TATDN1: variants seen among roughly 807,000 people sequenced by gnomAD.
The protein encoded by TATDN1 is deoxyribonuclease TATDN1.
A neutral mutation model predicts 46.4 loss-of-function variants in TATDN1; 40 were observed. The observed-to-expected ratio is 0.86, with a 90% CI of 0.67 to 1.12. The LOEUF is 1.12. Ranked by LOEUF, TATDN1 falls within the 50% of genes most tolerant of loss-of-function variation. The pLI, the probability that TATDN1 is intolerant of heterozygous loss-of-function variation, is 0.00. For missense variants in TATDN1, 326 were observed against 348.4 expected, an observed-to-expected ratio of 0.94 and a Z score of 0.51; for synonymous variants, 95 against 105.6, an observed-to-expected ratio of 0.90 and a Z score of 0.62.
At position 124,515,873 on chromosome 8, in the gene TATDN1, A is replaced by G. The variant is rs1819421479; in HGVS notation, c.346+14T>C. 6.2e-7 allele frequency: 1 copy of G among 1,613,748 alleles called. No homozygotes were observed. Among genetic ancestry groups the G allele is most frequent in the Admixed American group, 1.7e-5 (1 of 59,936 alleles). ...TCAAACAATGTCACTCTAAGAGGCG[A>G]GGCTGGCACTCACCAAGTCCGCATT... On this transcript the variant is annotated intron_variant, in intron 5 of 11. Transcript: ENST00000276692.
chr8:124,517,543 C>A (rs1329104221), intron 4 of TATDN1, among the ~76,000 whole-genome samples: 1 of 151,650 alleles, frequency 6.6e-6, no homozygotes, highest in Non-Finnish European at 1.5e-5. Flanking sequence ...GGAAACACAT[C>A]AGTATTTTAA....
At chr8:124,528,900 CTGTTT>C (rs1298638034) in intron 1 of TATDN1, among the ~76,000 whole-genome samples, 45 of 152,296 alleles carry the variant, frequency 3.0e-4, no homozygotes, top group African/African-American at 1.0e-3. Flanking sequence ...TTCAAGTATT[CTGTTT>C]TATCTAAGAA....
At chr8:124,529,165 G>A (rs1820749382) in intron 1 of TATDN1, among the ~76,000 whole-genome samples, 1 of 152,182 alleles carries the variant, frequency 6.6e-6, no homozygotes, top group Admixed American at 6.5e-5. Context: ...TGCTGTCTTT[G>A]TTTCGGGCTC....
chr8:124,537,642 C>T (rs1416546815), intron 1 of TATDN1, among the ~76,000 whole-genome samples: 1 of 152,164 alleles, frequency 6.6e-6, no homozygotes, highest in African/African-American at 2.4e-5. Flanking sequence ...AACATAAACA[C>T]ACTTTTAAAA....
In TATDN1 at chr8:124,523,082, A is replaced by C; in HGVS notation, c.23-80T>G. On this transcript the variant is annotated intron_variant, in intron 1 of 11. Coordinates refer to ENST00000276692, the MANE Select transcript of TATDN1 (RefSeq NM_032026.4). ...CTTAAATAAAAAGCTTCTGTTACTA[A>C]ACTTTTTGTTCACACACTCATCTAC... 5 of 1,305,674 alleles carry C rather than the reference A, an allele frequency of 3.8e-6. No individual in the cohort carries two copies. The South Asian group carries it at 6.1e-5, about 16-fold the overall frequency. The allele number at this position is 1,305,674 out of a possible 1,614,324, so 80.9% of individuals were successfully genotyped here.
At position 124,533,088 on chromosome 8, in the gene TATDN1, T is replaced by C. The variant is rs535943899; in HGVS notation, c.22+5937A>G. ...TAACACGGTAAAACCCCGTCTCTAC[T>C]AAAAATACAAAACATTAGCCGGGCG... On this transcript the variant is annotated intron_variant, in intron 1 of 11. Coordinates refer to ENST00000276692, the MANE Select transcript of TATDN1 (RefSeq NM_032026.4). 4.6e-5 allele frequency among the ~76,000 whole-genome samples: 7 copies of C among 152,056 alleles called. No homozygotes were observed. The East Asian group carries it at 1.4e-3, about 30-fold the overall frequency.
chr8:124,537,947 G>GA (rs34664004), intron 1 of TATDN1, among the ~76,000 whole-genome samples: 194 of 149,776 alleles, frequency 1.3e-3, no homozygotes, highest in African/African-American at 3.9e-3. Flanking sequence ...CAACGTCTTT[G>GA]AAAAAAAAAA....
Position 124,515,893 on chromosome 8 carries a change from C to A in TATDN1, c.340G>T (p.Gly114Ter), listed in dbSNP as rs765096907. Residue 114 changes from glycine to a stop codon, truncating the protein, a stop_gained, in exon 5 of 12, where the codon GGA becomes TGA. Coordinates refer to ENST00000276692, the MANE Select transcript of TATDN1 (RefSeq NM_032026.4). LOFTEE classifies it high-confidence loss of function. ...AGGCGAGGCTGGCACTCACCAAGTC[C>A]GCATTCTCCTATTGCCACAACTTTC... ...KGKVVAIGEC[G>*]LDFDRLQFCP... The A allele has an allele frequency of 1.9e-6, 3 of 1,613,926 alleles. No individual in the cohort carries two copies. Among genetic ancestry groups the A allele is most frequent in the Admixed American group, 3.3e-5 (2 of 59,986 alleles).
chr8:124,499,067 C>T (rs1009790615), intron 9 of TATDN1, among the ~76,000 whole-genome samples: 3 of 151,540 alleles, frequency 2.0e-5, no homozygotes, highest in Non-Finnish European at 4.4e-5. Flanking sequence ...ACTTGAACTC[C>T]TGAGCTCACC....
chr8:124,534,721 T>C (rs1162104833), intron 1 of TATDN1, among the ~76,000 whole-genome samples: 1 of 152,178 alleles, frequency 6.6e-6, no homozygotes, highest in Non-Finnish European at 1.5e-5. Context: ...GGATATAACA[T>C]CAGACCGCAG....
chr8:124,509,899 A>G (rs28725399), intron 6 of TATDN1, among the ~76,000 whole-genome samples: 78,796 of 151,672 alleles, frequency 0.52, 20,977 homozygotes, highest in African/African-American at 0.63. Flanking sequence ...ATTAGCCGGC[A>G]TGTTGGCACA....
intron 3 of TATDN1, 25 bp from the exon 4 acceptor site, chr8:124,518,906 A>C (rs375763736): frequency 3.4e-5 from 52 of 1,519,658 alleles, no homozygotes; most frequent in Non-Finnish European, 4.5e-5. Context: ...AAATAAAATA[A>C]GCTGACTTTA....
intron 4 of TATDN1, among the ~76,000 whole-genome samples, chr8:124,518,496 C>G (rs903254593): frequency 3.3e-5 from 5 of 150,692 alleles, no homozygotes; most frequent in Non-Finnish European, 5.9e-5. Context: ...TGCACTTCAG[C>G]CTGGGTAACA....
intron 9 of TATDN1, among the ~76,000 whole-genome samples, chr8:124,500,930 C>T (rs898662081): frequency 2.0e-5 from 3 of 152,094 alleles, no homozygotes; most frequent in African/African-American, 7.2e-5. Context: ...GAAAGAAAGA[C>T]AAACAAACCT....
intron 1 of TATDN1, among the ~76,000 whole-genome samples, chr8:124,537,964 C>T (rs942285947): frequency 2.0e-5 from 3 of 151,952 alleles, no homozygotes; most frequent in African/African-American, 7.3e-5. Flanking sequence ...AAAAATACTG[C>T]TTAAATAACT....
intron 6 of TATDN1, among the ~76,000 whole-genome samples, chr8:124,509,513 T>A (rs936365861): frequency 2.0e-5 from 3 of 152,206 alleles, no homozygotes; most frequent in Non-Finnish European, 2.9e-5. Context: ...CCCCTTGTTC[T>A]CACAAATGGT....
At chr8:124,496,324 T>G (rs1452006698) in intron 9 of TATDN1, among the ~76,000 whole-genome samples, 3 of 152,230 alleles carry the variant, frequency 2.0e-5, no homozygotes, top group Non-Finnish European at 4.4e-5. Context: ...TTATCATTGA[T>G]GAACCTACCT....
Position 124,508,706 on chromosome 8 carries a change from A to T in TATDN1, c.390-18T>A. Reference sequence around the variant, plus strand: ...CAAAATATCTGCATAATGCAAAAAAAAAAAATTCTCATTACAAATTGTATT... The same window carrying T: ...CAAAATATCTGCATAATGCAAAAAATAAAAATTCTCATTACAAATTGTATT... On this transcript the variant is annotated intron_variant, in intron 6 of 11. Transcript: ENST00000276692. The T allele has an allele frequency of 3.4e-6, 5 of 1,457,374 alleles. No individual in the cohort carries two copies. Among genetic ancestry groups the T allele is most frequent in the Non-Finnish European group, 4.6e-6 (5 of 1,085,334 alleles). 90.3% of individuals were successfully genotyped at this position (1,457,374 alleles called of 1,614,324 possible). A position where few individuals can be genotyped will look rare whatever the true frequency, so the allele number is the denominator to read the frequency against.
intron 1 of TATDN1, among the ~76,000 whole-genome samples, chr8:124,532,019 T>G (rs968869492): frequency 3.3e-5 from 5 of 151,896 alleles, no homozygotes; most frequent in African/African-American, 1.2e-4. Flanking sequence ...GACTGTCTTT[T>G]GTGAAAATAA....
Sources: allele counts gnomAD v4.1 joint callset (sites outside exome capture counted in the v4.1 genomes callset), GRCh38; gene constraint gnomAD v4.1.1; transcripts MANE v1.5; gene names NCBI Gene and HGNC (gene_info 2026-07-23, HGNC 2026-07-21).